Variants in PLIN3 observed in about 807,000 individuals in gnomAD.
PLIN3 encodes the protein perilipin-3.
Under a neutral mutation model 35.9 loss-of-function variants are expected in PLIN3, and 30 were observed. The observed-to-expected ratio is 0.84, with a 90% CI of 0.62 to 1.13. The LOEUF (loss-of-function observed/expected upper bound fraction) is 1.13, where lower values mean the gene tolerates loss of function less well. PLIN3 is among the 50% of genes most tolerant of loss of function. The pLI is 0.00. For synonymous variants in PLIN3, 261 were observed against 262.5 expected, an observed-to-expected ratio of 0.99 and a Z score of 0.06; for missense variants, 603 against 596.9, an observed-to-expected ratio of 1.01 and a Z score of -0.11.
At chr19:4,849,911 A>C (rs951952734) in intron 5 of PLIN3, among the ~76,000 whole-genome samples, 30 of 151,514 alleles carry the variant, frequency 2.0e-4, no homozygotes, top group Non-Finnish European at 4.1e-4. Context: ...TCAGCCTCCG[A>C]AAGTGCTGGG....
At chr19:4,843,507 C>CAAAAAAAAAAAAAAAA (rs1177137897) in intron 7 of PLIN3, among the ~76,000 whole-genome samples, 4 of 39,370 alleles carry the variant, frequency 1.0e-4, no homozygotes, top group Non-Finnish European at 2.5e-4. Context: ...GACTCCATCT[C>CAAAAAAAAAAAAAAAA]AAAAAATAAA....
chr19:4,859,752 G>A, intron 3 of PLIN3, 74 bp downstream of exon 3: 1 of 1,599,212 alleles, frequency 6.3e-7, no homozygotes, highest in East Asian at 2.2e-5. Context: ...ACCAAGAGCT[G>A]GGTAGACCCC....
chr19:4,848,580 C>T (rs1226266840), intron 5 of PLIN3, among the ~76,000 whole-genome samples: 3 of 152,172 alleles, frequency 2.0e-5, no homozygotes, highest in Non-Finnish European at 2.9e-5. Flanking sequence ...GATTATAATA[C>T]CGTAGGCCGG....
chr19:4,849,977 C>A (rs2030231965), intron 5 of PLIN3, among the ~76,000 whole-genome samples: 1 of 151,330 alleles, frequency 6.6e-6, no homozygotes, highest in South Asian at 2.1e-4. Flanking sequence ...TGGAGTTTCA[C>A]TCTTGTTGCC....
chr19:4,861,824 G>A (rs573202626), intron 1 of PLIN3, among the ~76,000 whole-genome samples: 51 of 151,844 alleles, frequency 3.4e-4, no homozygotes, highest in African/African-American at 9.7e-4. Context: ...TAGTAGAGAC[G>A]GGGTTTCACC....
At chr19:4,843,549 G>A (rs1175640611) in intron 7 of PLIN3, among the ~76,000 whole-genome samples, 2 of 101,688 alleles carry the variant, frequency 2.0e-5, no homozygotes, top group Non-Finnish European at 4.5e-5. Context: ...AATTGATCTG[G>A]GGTCGGGTGT....
At chr19:4,840,054 G>A (rs1310908279) in intron 7 of PLIN3, among the ~76,000 whole-genome samples, 6 of 138,482 alleles carry the variant, frequency 4.3e-5, no homozygotes, top group Admixed American at 7.9e-5. Flanking sequence ...TGCAACCTCC[G>A]CCTCCCAGGT....
At chr19:4,850,987 G>A (rs2030270995) in intron 5 of PLIN3, among the ~76,000 whole-genome samples, 2 of 152,020 alleles carry the variant, frequency 1.3e-5, no homozygotes, top group African/African-American at 4.8e-5. Context: ...GGGAGACCCC[G>A]TCTTTACCAA....
rs1174476713 is a variant in PLIN3 at position 4,847,855 on chromosome 19, C to T, written c.670G>A (p.Ala224Thr). The change falls in exon 6 of 8, where the codon GCG (alanine) becomes ACG (threonine). Residue 224 changes from alanine (A) to threonine (T), a missense_variant. Ala to Thr is a moderately conservative substitution (Grantham distance 58). Coordinates refer to ENST00000221957, the MANE Select transcript of PLIN3 (RefSeq NM_005817.5). ...TCCTGCCGCTGCTGCTGCACGGACGCGACGTCAAAGCCATCCAGGGATGTG... is the reference window on the plus strand; with the variant it reads ...TCCTGCCGCTGCTGCTGCACGGACGTGACGTCAAAGCCATCCAGGGATGTG... The part of the protein sequence containing the change: ...IATSLDGFDV[A>T]SVQQQRQEQS... The T allele has an allele frequency of 1.4e-5, 23 of 1,613,782 alleles. No homozygotes were observed. The highest frequency in any genetic ancestry group is 5.3e-5 in the African/African-American group (4 of 74,900).
At position 4,861,359 on chromosome 19, in the gene PLIN3, G is replaced by A. The variant is rs138618022; in HGVS notation, c.36C>T (p.Thr12=). The A allele has an allele frequency of 5.0e-6, 8 of 1,612,934 alleles. No individual in the cohort carries two copies. Among genetic ancestry groups the A allele is most frequent in the Non-Finnish European group, 6.8e-6 (8 of 1,179,656 alleles). The change falls in exon 2 of 8, where the codon ACC becomes ACT. Residue 12 remains threonine, a synonymous_variant. Coordinates refer to ENST00000221957, the MANE Select transcript of PLIN3 (RefSeq NM_005817.5). ...SADGAEADGS[T]QVTVEEPVQQ... ...GTACCGGTTCTTCCACTGTCACCTG[G>A]GTGCTGCCATCAGCCTCTGCCCCGT...
chr19:4,859,448 G>A (rs958767235), intron 4 of PLIN3, 142 bp downstream of exon 4: 11 of 718,858 alleles, frequency 1.5e-5, no homozygotes, highest in Admixed American at 4.2e-5. Flanking sequence ...TGTGGGGAGT[G>A]GATTCGGGGT....
In PLIN3 at chr19:4,839,520, G is replaced by A. The variant is rs753345166; in HGVS notation, c.977C>T (p.Ala326Val). The change falls in exon 8 of 8, where the codon GCG (alanine) becomes GTG (valine). Residue 326 changes from alanine to valine, a missense_variant. Coordinates refer to ENST00000221957, the MANE Select transcript of PLIN3 (RefSeq NM_005817.5). Reference protein sequence around the residue: ...PPKPEQVESRALTMFRDIAQQ... With the variant: ...PPKPEQVESRVLTMFRDIAQQ... ...GGCAATGTCCCGGAACATGGTGAGC[G>A]CCCGGGACTCGACCTGCTGAGAAGG... The A allele has an allele frequency of 3.0e-5, 46 of 1,527,892 alleles. No individual in the cohort carries two copies. The highest frequency in any genetic ancestry group is 3.5e-5 in the Non-Finnish European group (40 of 1,133,906). The allele number at this position is 1,527,892 out of a possible 1,614,324, so 94.6% of individuals were successfully genotyped here.
intron 5 of PLIN3, 105 bp downstream of exon 5, chr19:4,851,911 G>T: frequency 8.3e-7 from 1 of 1,206,004 alleles, no homozygotes; most frequent in Non-Finnish European, 1.2e-6. Flanking sequence ...AAGTGGCAGG[G>T]ACGAGGCGGC....
At chr19:4,841,921 A>T (rs1021311500) in intron 7 of PLIN3, among the ~76,000 whole-genome samples, 5 of 83,790 alleles carry the variant, frequency 6.0e-5, no homozygotes, top group African/African-American at 2.4e-4. Context: ...AAAAAAAAAA[A>T]AAAAAGAAAA....
In PLIN3 at chr19:4,843,510, A is replaced by AAAAAAAATAAAT. The variant is rs1555733213; in HGVS notation, c.960+1157_960+1158insATTTATTTTTTT. ...GTGACAGAGCGAGACTCCATCTCAA[A>AAAAAAAATAAAT]AAATAAATAAATAAATAAATAAATA... On this transcript the variant is annotated intron_variant, in intron 7 of 7. Transcript: ENST00000221957. Among the ~76,000 whole-genome samples the AAAAAAAATAAAT allele has an allele frequency of 2.2e-3, 311 of 139,526 alleles. 1 individual carries two copies. Among genetic ancestry groups the AAAAAAAATAAAT allele is most frequent in the Admixed American group, 4.5e-3 (61 of 13,616 alleles). The allele number at this position is 139,526 out of a possible 152,430, so 91.5% of individuals were successfully genotyped here. A position where few individuals can be genotyped will look rare whatever the true frequency, so the allele number is the denominator to read the frequency against.
chr19:4,863,138 C>A (rs2030729484), intron 1 of PLIN3, among the ~76,000 whole-genome samples: 2 of 151,730 alleles, frequency 1.3e-5, no homozygotes, highest in South Asian at 4.2e-4. Context: ...GCCTGGGCAA[C>A]AGAGTGAGAC....
intron 1 of PLIN3, among the ~76,000 whole-genome samples, chr19:4,865,971 C>T (rs1177346190): frequency 1.3e-5 from 2 of 151,288 alleles, no homozygotes; most frequent in Non-Finnish European, 2.9e-5. Context: ...GATCCGCCCG[C>T]CTCGGCCTCC....
chr19:4,858,317 A>C (rs2030541254), intron 4 of PLIN3, among the ~76,000 whole-genome samples: 2 of 150,550 alleles, frequency 1.3e-5, no homozygotes, highest in African/African-American at 4.9e-5. Context: ...GAGGCAAAGT[A>C]ACTTGTGTGA....
intron 6 of PLIN3, among the ~76,000 whole-genome samples, chr19:4,845,339 T>C (rs1321905736): frequency 6.6e-6 from 1 of 152,042 alleles, no homozygotes; most frequent in East Asian, 1.9e-4. Flanking sequence ...GGCACGAGAA[T>C]CGCTTGAACC....
Sources: gnomAD v4.1 joint callset for allele counts (sites outside exome capture counted in the v4.1 genomes callset) on GRCh38, gnomAD v4.1.1 for gene constraint, MANE v1.5 for transcripts, NCBI Gene and HGNC (gene_info 2026-07-23, HGNC 2026-07-21) for gene names.